The following AFG2A variants were observed in gnomAD, a reference collection of about 807,000 sequenced individuals.
AFG2A encodes the protein AAA ATPase AFG2A.
the AFG2A span, among the ~76,000 whole-genome samples, chr4:123,240,128 C>G: frequency 6.6e-6 from 1 of 152,208 alleles, no homozygotes; most frequent in African/African-American, 2.4e-5. Flanking sequence ...GAAGAGCTAA[C>G]TATCCTAAAT....
At chr4:122,945,595 C>G in the AFG2A span, among the ~76,000 whole-genome samples, 1 of 152,244 alleles carries the variant, frequency 6.6e-6, no homozygotes, top group Non-Finnish European at 1.5e-5. Flanking sequence ...CCTTGCACTT[C>G]CCGAGTGAGG....
the AFG2A span, among the ~76,000 whole-genome samples, chr4:123,216,108 A>C: frequency 6.6e-6 from 1 of 152,130 alleles, no homozygotes; most frequent in South Asian, 2.1e-4. Flanking sequence ...AGGTCCCAGA[A>C]TTTTATATCT....
the AFG2A span, among the ~76,000 whole-genome samples, chr4:122,935,018 G>T: frequency 6.6e-6 from 1 of 152,118 alleles, no homozygotes; most frequent in Non-Finnish European, 1.5e-5. Context: ...ATCTTGTCAT[G>T]CTGGGTCATC....
the AFG2A span, among the ~76,000 whole-genome samples, chr4:123,051,099 A>G: frequency 2.2e-4 from 34 of 152,052 alleles, no homozygotes; most frequent in African/African-American, 7.2e-4. Context: ...CAATTTTAAT[A>G]TTGATAGGCA....
the AFG2A span, among the ~76,000 whole-genome samples, chr4:123,302,211 G>A: frequency 1.3e-5 from 2 of 152,142 alleles, no homozygotes; most frequent in East Asian, 3.9e-4. Flanking sequence ...AGTTTTTCAG[G>A]AACTTTGCTT....
At chr4:123,245,220 G>A in the AFG2A span, among the ~76,000 whole-genome samples, 2 of 152,052 alleles carry the variant, frequency 1.3e-5, no homozygotes, top group African/African-American at 2.4e-5. Context: ...GACGATGCTG[G>A]GAAAAGAAGC....
chr4:123,003,675 C>G, the AFG2A span, among the ~76,000 whole-genome samples: 1 of 151,916 alleles, frequency 6.6e-6, no homozygotes, highest in African/African-American at 2.4e-5. Flanking sequence ...AGTTTTGTCT[C>G]AGAGGAGTAC....
At chr4:123,015,409 G>A in the AFG2A span, among the ~76,000 whole-genome samples, 1 of 151,754 alleles carries the variant, frequency 6.6e-6, no homozygotes, top group Non-Finnish European at 1.5e-5. Flanking sequence ...CTGCCTTCAA[G>A]CATCTGTTTA....
At chr4:123,082,242 C>G in the AFG2A span, among the ~76,000 whole-genome samples, 1 of 152,074 alleles carries the variant, frequency 6.6e-6, no homozygotes, top group Admixed American at 6.6e-5. Flanking sequence ...ATGCTGTCTT[C>G]TAGGTGTTTT....
chr4:123,092,206 G>A, the AFG2A span, among the ~76,000 whole-genome samples: 3,238 of 152,258 alleles, frequency 0.021, 65 homozygotes, highest in Non-Finnish European at 0.035. Context: ...AAGGACTGTA[G>A]AAACTGCTGA....
chr4:123,198,283 G>C, the AFG2A span, among the ~76,000 whole-genome samples: 2 of 147,354 alleles, frequency 1.4e-5, no homozygotes, highest in Admixed American at 6.8e-5. Context: ...AAAAAAAAAA[G>C]AGCAACCAGC....
At chr4:122,930,867 A>G in the AFG2A span, among the ~76,000 whole-genome samples, 1 of 152,196 alleles carries the variant, frequency 6.6e-6, no homozygotes, top group South Asian at 2.1e-4. Flanking sequence ...CTTATTAGAG[A>G]GGACTGGATA....
At chr4:123,316,928 A>T in the AFG2A span, 1 of 152,218 alleles carries the variant, frequency 6.6e-6, no homozygotes. Flanking sequence ...AACATTTTTT[A>T]AAAGAGGCCT....
chr4:123,255,295 C>T, the AFG2A span, among the ~76,000 whole-genome samples: 1 of 152,180 alleles, frequency 6.6e-6, no homozygotes, highest in African/African-American at 2.4e-5. Flanking sequence ...CCAAGGCAGG[C>T]AGATCGAACG....
chr4:123,255,959 G>T, the AFG2A span: 1 of 1,595,460 alleles, frequency 6.3e-7, no homozygotes, highest in Non-Finnish European at 8.6e-7. Flanking sequence ...AGGTATCTTT[G>T]AGATGGAATG....
the AFG2A span, among the ~76,000 whole-genome samples, chr4:123,041,345 T>A: frequency 1.3e-5 from 2 of 148,902 alleles, no homozygotes; most frequent in African/African-American, 4.9e-5. Flanking sequence ...ATAGTCTCGA[T>A]CTCCTGACCT....
the AFG2A span, among the ~76,000 whole-genome samples, chr4:122,994,211 A>C: frequency 6.6e-6 from 1 of 152,084 alleles, no homozygotes; most frequent in Non-Finnish European, 1.5e-5. Context: ...ATGTTCAGTG[A>C]ATTTAACATT....
chr4:122,923,501 G>C, the AFG2A span, among the ~76,000 whole-genome samples: 1 of 152,154 alleles, frequency 6.6e-6, no homozygotes, highest in Non-Finnish European at 1.5e-5. Context: ...GGAGAAGTTA[G>C]GCTGAAATGG....
chr4:123,307,527 T>C, the AFG2A span, among the ~76,000 whole-genome samples: 1 of 152,224 alleles, frequency 6.6e-6, no homozygotes, highest in African/African-American at 2.4e-5. Context: ...TAGAGAGATA[T>C]GTTGACAGAT....
Sources: allele counts gnomAD v4.1 joint callset (sites outside exome capture counted in the v4.1 genomes callset), GRCh38; gene constraint gnomAD v4.1.1; transcripts MANE v1.5; gene names NCBI Gene and HGNC (gene_info 2026-07-23, HGNC 2026-07-21).